PCDHGB5: variants seen among roughly 807,000 people sequenced by gnomAD.
PCDHGB5 encodes the protein protocadherin gamma subfamily B, 5.
Under a neutral mutation model 62.9 loss-of-function variants are expected in PCDHGB5, and 48 were observed. The observed-to-expected ratio is 0.76, with a 90% CI of 0.61 to 0.97. PCDHGB5 has a LOEUF of 0.97. Among genes scored for constraint, PCDHGB5 ranks in the 50% least tolerant of loss-of-function variants. The probability of loss-of-function intolerance (pLI) is 0.00; values close to 1 mark genes in which losing one functional copy is unlikely to be tolerated. For synonymous variants in PCDHGB5, 474 were observed against 511.2 expected, an observed-to-expected ratio of 0.93 and a Z score of 0.98; for missense variants, 1,118 against 1,198.6, an observed-to-expected ratio of 0.93 and a Z score of 0.99.
At chr5:141,412,890 T>G (rs2095584785) in intron 1 of PCDHGB5, 1 of 330,212 alleles carries the variant, frequency 3.0e-6, no homozygotes, top group Non-Finnish European at 5.4e-6. Context: ...AACAGAATAG[T>G]TTACTTTCCA....
intron 1 of PCDHGB5, chr5:141,426,887 G>C (rs1309180455): frequency 6.6e-6 from 3 of 456,646 alleles, no homozygotes; most frequent in South Asian, 4.6e-5. Context: ...TGGGCCAGGA[G>C]CAACAGAGCT....
rs2099695548 is a variant in PCDHGB5, at chr5:141,490,059, C to T, written c.2398-4748C>T. On this transcript the variant is annotated intron_variant, in intron 1 of 3. Coordinates refer to ENST00000617380, the MANE Select transcript of PCDHGB5 (RefSeq NM_018925.3). The surrounding 1 kb of genome is among the most constrained non-coding windows in gnomAD (Gnocchi z 5.4). ...ATGCCACTGATCCAGACGAGGGCAC[C>T]AACGGCCAACTAGACTATTCTTTTG... 1.2e-6 allele frequency: 2 copies of T among 1,614,242 alleles called. No individual in the cohort carries two copies. The highest frequency in any genetic ancestry group is 1.7e-6 in the Non-Finnish European group (2 of 1,180,030).
chr5:141,473,974 C>G (rs958240236), intron 1 of PCDHGB5, among the ~76,000 whole-genome samples: 33 of 152,054 alleles, frequency 2.2e-4, no homozygotes, highest in Admixed American at 2.2e-3. Context: ...AAGTCTGAGG[C>G]GGGAGGATCC....
chr5:141,419,671 G>T (rs532058652), intron 1 of PCDHGB5: 1 of 1,612,894 alleles, frequency 6.2e-7, no homozygotes, highest in East Asian at 2.2e-5. Context: ...ATGCCTGGCT[G>T]TCCTACCACG....
intron 1 of PCDHGB5, among the ~76,000 whole-genome samples, chr5:141,482,530 CAA>C (rs3074545): frequency 2.5e-4 from 19 of 76,528 alleles, no homozygotes; most frequent in East Asian, 4.2e-4. Context: ...GACAGACATG[CAA>C]AAAAAAAAAA....
intron 1 of PCDHGB5, chr5:141,423,091 G>A (rs1243671863): frequency 6.2e-7 from 1 of 1,613,908 alleles, no homozygotes; most frequent in Non-Finnish European, 8.5e-7. Flanking sequence ...CGCGGTGGGG[G>A]AGCACACGGG....
chr5:141,458,825 C>A (rs1417477907), intron 1 of PCDHGB5, among the ~76,000 whole-genome samples: 1 of 152,102 alleles, frequency 6.6e-6, no homozygotes, highest in Non-Finnish European at 1.5e-5. Context: ...CTCTGCCTCC[C>A]AGGCTCAAGT....
rs2099629540 is a variant in PCDHGB5, at chr5:141,486,436, T to C, written c.2398-8371T>C. 2 of 1,614,188 alleles carry C rather than the reference T, an allele frequency of 1.2e-6. No individual in the cohort carries two copies. The highest frequency in any genetic ancestry group is 1.7e-6 in the Non-Finnish European group (2 of 1,180,020). On this transcript the variant is annotated intron_variant, in intron 1 of 3. Coordinates refer to ENST00000617380, the MANE Select transcript of PCDHGB5 (RefSeq NM_018925.3). This position sits in a 1 kb window ranked among gnomAD's most constrained non-coding sequence, Gnocchi z 5.0. ...TGGATCGAGAGGCCAAATCTAGCTA[T>C]GACATCATGGTCACTGCTTCTGATG... is the stretch of plus-strand genomic sequence containing the variant.
chr5:141,433,106 G>C, intron 1 of PCDHGB5: 1 of 1,614,170 alleles, frequency 6.2e-7, no homozygotes, highest in Non-Finnish European at 8.5e-7. Flanking sequence ...CGTCAGCCAG[G>C]AGAGCTTTGA....
At chr5:141,434,364 A>G (rs1023051594) in intron 1 of PCDHGB5, among the ~76,000 whole-genome samples, 1 of 152,208 alleles carries the variant, frequency 6.6e-6, no homozygotes, top group Non-Finnish European at 1.5e-5. Context: ...AAATCTGGCC[A>G]TAAACTGGCC....
Position 141,511,225 on chromosome 5 carries a change from C to A in PCDHGB5, c.*52C>A. ...GGCGGCCTCTCCCCAACCAGCCCAG[C>A]TTCTCCTTACCTGCACCCAGGCCTC... On this transcript the variant is annotated 3_prime_UTR_variant, in exon 4 of 4. Transcript: ENST00000617380. The A allele has an allele frequency of 6.2e-7, 1 of 1,601,624 alleles. No individual in the cohort carries two copies. Among genetic ancestry groups the A allele is most frequent in the Non-Finnish European group, 8.5e-7 (1 of 1,174,162 alleles).
At chr5:141,407,222 C>CA (rs895046980) in intron 1 of PCDHGB5, among the ~76,000 whole-genome samples, 4 of 151,730 alleles carry the variant, frequency 2.6e-5, no homozygotes, top group African/African-American at 7.2e-5. Flanking sequence ...AAGTGGGTAG[C>CA]AAAAAAAATA....
At chr5:141,438,834 T>A (rs915381229) in intron 1 of PCDHGB5, among the ~76,000 whole-genome samples, 5 of 150,606 alleles carry the variant, frequency 3.3e-5, no homozygotes, top group South Asian at 2.1e-4. Context: ...GCTAATTTTT[T>A]AAAATATTTT....
intron 1 of PCDHGB5, among the ~76,000 whole-genome samples, chr5:141,481,749 C>T (rs958851030): frequency 6.6e-6 from 1 of 151,976 alleles, no homozygotes; most frequent in Non-Finnish European, 1.5e-5. Context: ...GTCAGGAGTC[C>T]AAGACCAGCC....
intron 1 of PCDHGB5, chr5:141,417,116 C>A (rs1407873769): frequency 6.6e-6 from 1 of 151,954 alleles, no homozygotes; most frequent in Non-Finnish European, 1.5e-5. Context: ...ATACAGGACA[C>A]CCTGGATGAT....
At position 141,399,297 on chromosome 5, in the gene PCDHGB5, T is replaced by G. The variant is rs370898446; in HGVS notation, c.1170T>G (p.Ile390Met). Residue 390 changes from isoleucine (I) to methionine (M), a missense_variant, in exon 1 of 4, where the codon ATT becomes ATG. Physicochemically the swap from Ile to Met is conservative, Grantham distance 10. This residue lies in a region of PCDHGB5 where 1,034 missense variants were observed against 1,029.1 expected (regional missense o/e 1.00). Transcript: ENST00000617380. The stretch of plus-strand genomic sequence containing the variant: ...TACAAGGCGAAGTCCCTTTTAAGAT[T>G]ATCTCTTCATCCAAAAATTCGTATA... ...CQLQGEVPFK[I>M]ISSSKNSYKL... 14 of 1,613,948 alleles carry G rather than the reference T, an allele frequency of 8.7e-6. No individual in the cohort carries two copies. The East Asian group carries it at 2.9e-4, about 33-fold the overall frequency.
At chr5:141,414,790 A>G (rs1190584746) in intron 1 of PCDHGB5, 1 of 1,614,226 alleles carries the variant, frequency 6.2e-7, no homozygotes, top group South Asian at 1.1e-5. Context: ...GGTGACAGCC[A>G]GCGACAGCGG....
In PCDHGB5 at chr5:141,398,644, T is replaced by C. The variant is rs772408476; in HGVS notation, c.517T>C (p.Ser173Pro). The C allele has an allele frequency of 4.3e-6, 7 of 1,613,908 alleles. No individual in the cohort carries two copies. The highest frequency in any genetic ancestry group is 5.9e-6 in the Non-Finnish European group (7 of 1,179,916). Reference sequence around the variant, plus strand: ...AAACTCTCTGCAGAAGTATAAACTCTCTCTTAACCCAAGTTTCTCATTAAT... The same window carrying C: ...AAACTCTCTGCAGAAGTATAAACTCCCTCTTAACCCAAGTTTCTCATTAAT... ...GLNSLQKYKLSLNPSFSLIIK... is the reference protein window; with the variant it reads ...GLNSLQKYKLPLNPSFSLIIK... The change falls in exon 1 of 4, where the codon TCT becomes CCT. Residue 173 changes from serine to proline, a missense_variant. Physicochemically the swap from Ser to Pro is moderately conservative, Grantham distance 74 (BLOSUM62 -1). Around this residue, in one of 2 missense-constraint regions of PCDHGB5, gnomAD observed 1,034 missense variants for 1,029.1 expected, o/e 1.00. Coordinates refer to ENST00000617380, the MANE Select transcript of PCDHGB5 (RefSeq NM_018925.3).
chr5:141,397,972 G>A lies in PCDHGB5; in HGVS notation c.-156G>A. 2.6e-6 allele frequency: 3 copies of A among 1,155,562 alleles called. No homozygotes were observed. In the South Asian group the frequency reaches 4.9e-5, roughly 19 times the overall value. The allele number at this position is 1,155,562 out of a possible 1,614,324, so 71.6% of individuals were successfully genotyped here. A position where few individuals can be genotyped will look rare whatever the true frequency, so the allele number is the denominator to read the frequency against. On this transcript the variant is annotated 5_prime_UTR_variant, in exon 1 of 4. Transcript: ENST00000617380. ...GCAGCCCCAGCTCAGACTCCCCAGC[G>A]CCGGCCTTTACACCGCTTCCTCCTC...
Sources: allele counts gnomAD v4.1 joint callset (sites outside exome capture counted in the v4.1 genomes callset), GRCh38; gene constraint gnomAD v4.1.1; regional missense constraint gnomAD v4.1.1; non-coding constraint Gnocchi (gnomAD v3.1); transcripts MANE v1.5; gene names NCBI Gene and HGNC (gene_info 2026-07-23, HGNC 2026-07-21).